ELP2: variants seen among roughly 807,000 people sequenced by gnomAD.
ELP2 encodes the protein elongator acetyltransferase complex subunit 2.
Under a neutral mutation model 119.2 loss-of-function variants are expected in ELP2, and 90 were observed. The observed-to-expected ratio is 0.75, with a 90% CI of 0.64 to 0.90. The LOEUF is 0.90. Ranked by LOEUF, ELP2 falls within the 40% of genes least tolerant of loss-of-function variation. The pLI is 0.00. For missense variants in ELP2, 921 were observed against 967.8 expected (o/e 0.95, Z 0.64); for synonymous variants, 339 against 331.0 (o/e 1.02, Z -0.26).
rs1211767604 is a variant in ELP2, at chr18:36,177,810, T to C, written c.*3169T>C. ...TTATTGCAGGAATTCTAAGAGCATTTAACAAATTAATTTACACTGGGAATT... is the reference window on the plus strand; with the variant it reads ...TTATTGCAGGAATTCTAAGAGCATTCAACAAATTAATTTACACTGGGAATT... On this transcript the variant is annotated 3_prime_UTR_variant, in exon 22 of 22. Transcript: ENST00000358232. 6.6e-6 allele frequency: 1 copy of C among 152,190 alleles called. No individual in the cohort carries two copies. Among genetic ancestry groups the C allele is most frequent in the African/African-American group, 2.4e-5 (1 of 41,432 alleles). The allele number at this position is 152,190 out of a possible 1,614,324, so 9.4% of individuals were successfully genotyped here. A position where few individuals can be genotyped will look rare whatever the true frequency, so the allele number is the denominator to read the frequency against.
rs73428927 is a variant in ELP2, at chr18:36,134,050, G to A, written c.217+734G>A. On this transcript the variant is annotated intron_variant, in intron 2 of 21. Coordinates refer to ENST00000358232, the MANE Select transcript of ELP2 (RefSeq NM_018255.4). ...TTGCTCTGTAGCCCAGGCTTGTCTC[G>A]TACTCCTAACCTCAAGCAGTCTTCC... is the stretch of plus-strand genomic sequence containing the variant. Among the ~76,000 whole-genome samples, 431 of 151,688 alleles carry A rather than the reference G, an allele frequency of 2.8e-3. 1 individual carries two copies. The highest frequency in any genetic ancestry group is 1.0e-2 in the African/African-American group (412 of 41,312).
At chr18:36,143,981 G>C (rs1405439351) in intron 8 of ELP2, among the ~76,000 whole-genome samples, 1 of 152,154 alleles carries the variant, frequency 6.6e-6, no homozygotes, top group South Asian at 2.1e-4. Flanking sequence ...CTATTGTCTA[G>C]CCTTAGAACA....
At chr18:36,165,025 G>A in intron 18 of ELP2, 1 of 262,504 alleles carries the variant, frequency 3.8e-6, no homozygotes, top group Non-Finnish European at 7.5e-6. Flanking sequence ...GGATTTTATG[G>A]GACAGGAATA....
At chr18:36,173,519 A>C (rs1487802819) in intron 21 of ELP2, among the ~76,000 whole-genome samples, 1 of 152,236 alleles carries the variant, frequency 6.6e-6, no homozygotes, top group Non-Finnish European at 1.5e-5. Context: ...AGTCTGCATA[A>C]TATGGAAGCA....
chr18:36,130,883 T>C (rs1023083569), intron 1 of ELP2, among the ~76,000 whole-genome samples: 1 of 152,180 alleles, frequency 6.6e-6, no homozygotes, highest in African/African-American at 2.4e-5. Flanking sequence ...AAAATTTCAT[T>C]ATTGGCCAGG....
intron 11 of ELP2, among the ~76,000 whole-genome samples, chr18:36,151,040 G>A (rs1230984809): frequency 1.3e-5 from 2 of 149,654 alleles, no homozygotes; most frequent in Non-Finnish European, 3.0e-5. Context: ...ATTGCCCCAC[G>A]CCAGATCAGA....
rs775222867 is a variant in ELP2 at position 36,145,016 on chromosome 18, C to T, written c.874C>T (p.Gln292Ter). The change falls in exon 9 of 22, where the codon CAA becomes TAA. Residue 292 changes from glutamine (Q) to a stop codon, truncating the protein, a stop_gained. Transcript: ENST00000358232. LOFTEE classifies it high-confidence loss of function. ...HENWVNAVHW[Q>*]PVFYKDGVLQ... Reference sequence around the variant, plus strand: ...AAACTGGGTAAATGCAGTTCACTGGCAACCTGTGTTTTACAAAGGTAGGAA... The same window carrying T: ...AAACTGGGTAAATGCAGTTCACTGGTAACCTGTGTTTTACAAAGGTAGGAA... 1.9e-6 allele frequency: 3 copies of T among 1,613,718 alleles called. No homozygotes were observed. The South Asian group carries it at 3.3e-5, about 18-fold the overall frequency.
chr18:36,144,088 C>A (rs2090124867), intron 8 of ELP2, among the ~76,000 whole-genome samples: 1 of 151,544 alleles, frequency 6.6e-6, no homozygotes, highest in Non-Finnish European at 1.5e-5. Flanking sequence ...CATTGTTCAC[C>A]TAGGTGTATT....
chr18:36,158,998 T>C, intron 14 of ELP2, 94 bp downstream of exon 14: 1 of 891,840 alleles, frequency 1.1e-6, no homozygotes, highest in Non-Finnish European at 1.8e-6. Context: ...TTGTTACAGC[T>C]GATTTTTTTT....
chr18:36,180,454 A>G lies in ELP2; in HGVS notation c.*5813A>G, dbSNP rs1343181346. ...ATTGTTCTGAGAATTAAATGAGCCA[A>G]TATATGAAAAACACTAGTTTGGTCC... On this transcript the variant is annotated 3_prime_UTR_variant, in exon 22 of 22. Transcript: ENST00000358232. The G allele has an allele frequency of 6.6e-6, 1 of 152,226 alleles. No individual in the cohort carries two copies. Among genetic ancestry groups the G allele is most frequent in the African/African-American group, 2.4e-5 (1 of 41,450 alleles). The allele number at this position is 152,226 out of a possible 1,614,324, so 9.4% of individuals were successfully genotyped here.
intron 5 of ELP2, chr18:36,139,373 A>C: frequency 6.7e-7 from 1 of 1,495,636 alleles, no homozygotes; most frequent in Non-Finnish European, 8.9e-7. Context: ...TATCTTCTAC[A>C]AAGATAATAG....
intron 19 of ELP2, among the ~76,000 whole-genome samples, chr18:36,167,921 C>T (rs964095091): frequency 2.0e-5 from 3 of 152,146 alleles, no homozygotes; most frequent in African/African-American, 7.2e-5. Context: ...AAGCAGTCCT[C>T]CCACTTTGGC....
Position 36,159,750 on chromosome 18 carries a change from A to T in ELP2, c.1550A>T (p.Gln517Leu), listed in dbSNP as rs1225545443. Reference protein sequence around the residue: ...KAVFQGDIASQPSDEEELLTS... With the variant: ...KAVFQGDIASLPSDEEELLTS... Reference sequence around the variant, plus strand: ...TTCAAACTAGGAGATATAGCTTCTCAGCCTTCTGATGAAGAGGAGCTGTTA... The same window carrying T: ...TTCAAACTAGGAGATATAGCTTCTCTGCCTTCTGATGAAGAGGAGCTGTTA... The change falls in exon 15 of 22, where the codon CAG becomes CTG. Residue 517 changes from glutamine to leucine, a missense_variant. Coordinates refer to ENST00000358232, the MANE Select transcript of ELP2 (RefSeq NM_018255.4). 2.5e-6 allele frequency: 4 copies of T among 1,613,678 alleles called. No individual in the cohort carries two copies. The South Asian group carries it at 4.4e-5, about 18-fold the overall frequency.
chr18:36,133,366 A>C, intron 2 of ELP2, 50 bp downstream of exon 2: 3 of 1,406,220 alleles, frequency 2.1e-6, no homozygotes, highest in Non-Finnish European at 3.0e-6. Context: ...TTCTGATAAA[A>C]TAAGGTTAGC....
intron 8 of ELP2, among the ~76,000 whole-genome samples, chr18:36,144,311 A>T (rs2090131230): frequency 6.6e-6 from 1 of 152,064 alleles, no homozygotes; most frequent in African/African-American, 2.4e-5. Flanking sequence ...AAAAAATGGG[A>T]TTTGTATTTG....
intron 17 of ELP2, among the ~76,000 whole-genome samples, chr18:36,163,566 A>G (rs2090806697): frequency 6.6e-6 from 1 of 151,858 alleles, no homozygotes. Context: ...GTTTTGTTCT[A>G]GGAGTTTTAT....
chr18:36,156,198 G>A (rs2090567099), intron 12 of ELP2, among the ~76,000 whole-genome samples: 1 of 152,172 alleles, frequency 6.6e-6, no homozygotes, highest in African/African-American at 2.4e-5. Context: ...TACTGCTTGA[G>A]TAACACGTGG....
intron 21 of ELP2, 145 bp from the exon 22 acceptor site, chr18:36,174,340 T>C (rs909768717): frequency 2.5e-5 from 20 of 795,702 alleles, no homozygotes; most frequent in African/African-American, 3.5e-5. Context: ...TATAGTAAAA[T>C]ATTTTCCAGG....
intron 18 of ELP2, among the ~76,000 whole-genome samples, chr18:36,166,333 T>TTG (rs1568022469): frequency 4.9e-5 from 6 of 122,478 alleles, no homozygotes; most frequent in South Asian, 3.1e-4. Context: ...TTTTTTTTTT[T>TTG]TTTTTTTTTT....
Sources: allele counts gnomAD v4.1 joint callset (sites outside exome capture counted in the v4.1 genomes callset), GRCh38; gene constraint gnomAD v4.1.1; transcripts MANE v1.5; gene names NCBI Gene and HGNC (gene_info 2026-07-23, HGNC 2026-07-21).